ALDH2: variants seen among roughly 807,000 people sequenced by gnomAD.
The protein encoded by ALDH2 is aldehyde dehydrogenase 2 family member.
ALDH2 carries 44 observed loss-of-function variants against 59.6 expected under a neutral mutation model. That is an observed-to-expected ratio of 0.74 (90% CI 0.58 to 0.95). The LOEUF is 0.95. Ranked by LOEUF, ALDH2 falls within the 40% of genes least tolerant of loss-of-function variation. The pLI, the probability that ALDH2 is intolerant of heterozygous loss-of-function variation, is 0.00. For missense variants in ALDH2, 570 were observed against 696.3 expected, an observed-to-expected ratio of 0.82 and a Z score of 2.04; for synonymous variants, 291 against 284.0, an observed-to-expected ratio of 1.02 and a Z score of -0.25.
intron 3 of ALDH2, 52 bp downstream of exon 3, chr12:111,783,350 C>T: frequency 2.6e-6 from 4 of 1,555,272 alleles, no homozygotes; most frequent in Non-Finnish European, 3.5e-6. Context: ...AATAGGCTCG[C>T]AGCATCCTGT....
At chr12:111,792,478 G>T in intron 8 of ALDH2, 120 bp from the exon 9 acceptor site, 1 of 1,199,498 alleles carries the variant, frequency 8.3e-7, no homozygotes, top group African/African-American at 1.5e-5. Context: ...ATCTGTCTCT[G>T]GCACCCAGCA....
In ALDH2 at chr12:111,783,274, C is replaced by T. The variant is rs199967065; in HGVS notation, c.336C>T (p.Ile112=). The change falls in exon 3 of 13, where the codon ATC becomes ATT. Residue 112 remains isoleucine (I), a synonymous_variant. Transcript: ENST00000261733. ...TGCTGAACCGCCTGGCCGATCTGATCGAGCGGGACCGGACCTACCTGGCGG... is the reference window on the plus strand; with the variant it reads ...TGCTGAACCGCCTGGCCGATCTGATTGAGCGGGACCGGACCTACCTGGCGG... ...GRLLNRLADL[I]ERDRTYLAAL... 39 of 1,611,646 alleles carry T rather than the reference C, an allele frequency of 2.4e-5. No individual in the cohort carries two copies. The highest frequency in any genetic ancestry group is 2.9e-5 in the Non-Finnish European group (34 of 1,178,664).
At position 111,784,966 on chromosome 12, in the gene ALDH2, C is replaced by T. The variant is rs577898083; in HGVS notation, c.361-301C>T. ...CAGTCTCTTTGCTCTGTAAGCTCCA[C>T]GCTGGTCTCTATCCCAGCACCTGGA... On this transcript the variant is annotated intron_variant, in intron 3 of 12. Coordinates refer to ENST00000261733, the MANE Select transcript of ALDH2 (RefSeq NM_000690.4). Among the ~76,000 whole-genome samples the T allele has an allele frequency of 5.3e-5, 8 of 152,306 alleles. No homozygotes were observed. The South Asian group carries it at 6.2e-4, about 12-fold the overall frequency.
chr12:111,805,237 A>G (rs940751048), intron 12 of ALDH2, among the ~76,000 whole-genome samples: 1 of 152,136 alleles, frequency 6.6e-6, no homozygotes. Flanking sequence ...GAAAGGAAAA[A>G]CTGGAGCGTG....
chr12:111,777,152 C>G (rs1016140461), intron 1 of ALDH2, among the ~76,000 whole-genome samples: 1 of 152,194 alleles, frequency 6.6e-6, no homozygotes, highest in Non-Finnish European at 1.5e-5. Context: ...GGCTTCAAAG[C>G]CTGGCTCTGC....
At chr12:111,776,905 G>A (rs532452486) in intron 1 of ALDH2, among the ~76,000 whole-genome samples, 147 of 152,134 alleles carry the variant, frequency 9.7e-4, no homozygotes, top group African/African-American at 3.3e-3. Flanking sequence ...GGCTGGTCTC[G>A]AACTCCTGAC....
At chr12:111,794,767 A>G (rs1047629389) in intron 9 of ALDH2, among the ~76,000 whole-genome samples, 1 of 152,046 alleles carries the variant, frequency 6.6e-6, no homozygotes, top group African/African-American at 2.4e-5. Context: ...TCAGCCTCCC[A>G]AAGTCCTGGG....
At chr12:111,790,634 G>T (rs2068350615) in intron 6 of ALDH2, 72 bp downstream of exon 6, 2 of 1,586,006 alleles carry the variant, frequency 1.3e-6, no homozygotes, top group Non-Finnish European at 1.7e-6. Flanking sequence ...TTCTGAGAAG[G>T]GTCTCAGGGG....
At chr12:111,778,440 G>A (rs2068248770) in intron 1 of ALDH2, among the ~76,000 whole-genome samples, 1 of 151,712 alleles carries the variant, frequency 6.6e-6, no homozygotes, top group Non-Finnish European at 1.5e-5. Context: ...AGCTACTCAG[G>A]AGGCTGAGGC....
At chr12:111,773,268 G>A (rs1314864711) in intron 1 of ALDH2, among the ~76,000 whole-genome samples, 9 of 152,196 alleles carry the variant, frequency 5.9e-5, no homozygotes, top group Middle Eastern at 6.8e-3. Flanking sequence ...TGGCCGGCCC[G>A]TGTTTTTAAT....
chr12:111,785,511 G>T (rs1367946010), intron 4 of ALDH2, among the ~76,000 whole-genome samples, 165 bp downstream of exon 4: 9 of 152,118 alleles, frequency 5.9e-5, no homozygotes, highest in African/African-American at 1.7e-4. Context: ...ATTACGTGAG[G>T]TCAAGAGTTT....
intron 11 of ALDH2, among the ~76,000 whole-genome samples, chr12:111,801,645 G>A (rs536225007): frequency 2.6e-5 from 4 of 151,298 alleles, no homozygotes; most frequent in South Asian, 2.1e-4. Flanking sequence ...ATTGCAGTGA[G>A]TGGAGATCAT....
Position 111,812,815 on chromosome 12 carries a change from C to G in ALDH2, c.*3240C>G, listed in dbSNP as rs1159973379. On this transcript the variant is annotated 3_prime_UTR_variant, in exon 13 of 13. Transcript: ENST00000261733. ...ATCACTTGAGCCCAGGAGGTCAAGG[C>G]TGCAGTGAGCTGTGATTGCACCACT... The G allele has an allele frequency of 6.6e-6, 1 of 152,190 alleles. No homozygotes were observed. The highest frequency in any genetic ancestry group is 1.5e-5 in the Non-Finnish European group (1 of 68,120). 9.4% of individuals were successfully genotyped at this position (152,190 alleles called of 1,614,324 possible).
chr12:111,767,161 G>C, intron 1 of ALDH2, 65 bp downstream of exon 1: 1 of 1,312,820 alleles, frequency 7.6e-7, no homozygotes. Context: ...CCCCTAGGAA[G>C]GCCCCGCGCC....
At chr12:111,775,364 TG>T (rs1335977543) in intron 1 of ALDH2, among the ~76,000 whole-genome samples, 2 of 152,130 alleles carry the variant, frequency 1.3e-5, no homozygotes, top group African/African-American at 4.8e-5. Context: ...AGCCTCCTCC[TG>T]CTTCTCACTT....
In ALDH2 at chr12:111,814,259, A is replaced by T. The variant is rs2068555947; in HGVS notation, c.*4684A>T. 6.6e-6 allele frequency: 1 copy of T among 152,004 alleles called. No individual in the cohort carries two copies. The highest frequency in any genetic ancestry group is 2.4e-5 in the African/African-American group (1 of 41,332). The allele number at this position is 152,004 out of a possible 1,614,324, so 9.4% of individuals were successfully genotyped here. A position where few individuals can be genotyped will look rare whatever the true frequency, so the allele number is the denominator to read the frequency against. On this transcript the variant is annotated 3_prime_UTR_variant, in exon 13 of 13. Coordinates refer to ENST00000261733, the MANE Select transcript of ALDH2 (RefSeq NM_000690.4). Reference sequence around the variant, plus strand: ...CTGATCGGGAGGCTAAGGCAGGAGAATGGTGTGAACCCAGGAGGCGGAGCT... The same window carrying T: ...CTGATCGGGAGGCTAAGGCAGGAGATTGGTGTGAACCCAGGAGGCGGAGCT...
chr12:111,809,923 C>CCACCGAGA lies in ALDH2; in HGVS notation c.*348_*349insCACCGAGA. The CCACCGAGA allele has an allele frequency of 2.9e-6, 1 of 350,350 alleles. No individual in the cohort carries two copies. Among genetic ancestry groups the CCACCGAGA allele is most frequent in the Non-Finnish European group, 5.3e-6 (1 of 189,466 alleles). 21.7% of individuals were successfully genotyped at this position (350,350 alleles called of 1,614,324 possible). A position where few individuals can be genotyped will look rare whatever the true frequency, so the allele number is the denominator to read the frequency against. On this transcript the variant is annotated 3_prime_UTR_variant, in exon 13 of 13. Transcript: ENST00000261733. ...TACAATTATATCACCATTAAGGCAA[C>CCACCGAGA]TGCTACACCCTGCTTTGTATTCTGG...
At position 111,815,642 on chromosome 12, in the gene ALDH2, A is replaced by G. The variant is rs1046265403; in HGVS notation, c.*6067A>G. The stretch of plus-strand genomic sequence containing the variant: ...ATAAAAATAATAACCTGAGAGTCTA[A>G]TGGCTTATTTTTTGTAGAGATGGGG... On this transcript the variant is annotated 3_prime_UTR_variant, in exon 13 of 13. Transcript: ENST00000261733. 6.6e-6 allele frequency: 1 copy of G among 151,964 alleles called. No individual in the cohort carries two copies. Among genetic ancestry groups the G allele is most frequent in the African/African-American group, 2.4e-5 (1 of 41,366 alleles). The allele number at this position is 151,964 out of a possible 1,614,324, so 9.4% of individuals were successfully genotyped here.
chr12:111,790,350 G>C lies in ALDH2; in HGVS notation c.553-84G>C, dbSNP rs548961554. 3.8e-6 allele frequency: 6 copies of C among 1,571,770 alleles called. No homozygotes were observed. In the African/African-American group the frequency reaches 8.1e-5, roughly 21 times the overall value. On this transcript the variant is annotated intron_variant, in intron 5 of 12. Coordinates refer to ENST00000261733, the MANE Select transcript of ALDH2 (RefSeq NM_000690.4). ...GTTCAGAGAACTCGGTGCTGCTTCT[G>C]CCCTCTGGGGTTGCCACCTTCTGCT...
Sources: gnomAD v4.1 joint callset for allele counts (sites outside exome capture counted in the v4.1 genomes callset) on GRCh38, gnomAD v4.1.1 for gene constraint, MANE v1.5 for transcripts, NCBI Gene and HGNC (gene_info 2026-07-23, HGNC 2026-07-21) for gene names.